Variants in UPK1B observed in about 807,000 individuals in gnomAD.
UPK1B encodes the protein uroplakin 1B.
UPK1B carries 28 observed loss-of-function variants against 34.2 expected under a neutral mutation model. The observed-to-expected ratio is 0.82, with a 90% CI of 0.61 to 1.12. The LOEUF is 1.12. Ranked by LOEUF, UPK1B falls within the 50% of genes most tolerant of loss-of-function variation. The pLI is 0.00. For synonymous variants in UPK1B, 81 were observed against 110.4 expected, an observed-to-expected ratio of 0.73 and a Z score of 1.67; for missense variants, 325 against 320.9, an observed-to-expected ratio of 1.01 and a Z score of -0.10.
intron 1 of UPK1B, among the ~76,000 whole-genome samples, chr3:119,180,604 A>T (rs912119242): frequency 1.3e-5 from 2 of 152,036 alleles, no homozygotes; most frequent in Non-Finnish European, 2.9e-5. Context: ...AGAAGTCACC[A>T]TTTGTCCTTC....
chr3:119,177,010 C>T (rs1295528242), intron 1 of UPK1B, among the ~76,000 whole-genome samples: 1 of 152,158 alleles, frequency 6.6e-6, no homozygotes, highest in Non-Finnish European at 1.5e-5. Flanking sequence ...ATGGTGTCTT[C>T]CCTCGCCCTT....
At chr3:119,202,075 G>A (rs1431494560) in intron 7 of UPK1B, among the ~76,000 whole-genome samples, 1 of 152,124 alleles carries the variant, frequency 6.6e-6, no homozygotes, top group Non-Finnish European at 1.5e-5. Context: ...GAAGGGAAGG[G>A]AAGGGAATTA....
Position 119,195,292 on chromosome 3 carries a change from C to T in UPK1B, c.648+894C>T, listed in dbSNP as rs80164336. Reference sequence around the variant, plus strand: ...CATCTGCTGACCCTGTACACTGAAACGCTGTGCTCTGCTCAGGGAGTTACC... The same window carrying T: ...CATCTGCTGACCCTGTACACTGAAATGCTGTGCTCTGCTCAGGGAGTTACC... On this transcript the variant is annotated intron_variant, in intron 6 of 7. Transcript: ENST00000264234. Among the ~76,000 whole-genome samples, 1,075 of 152,294 alleles carry T rather than the reference C, an allele frequency of 7.1e-3. 9 individuals are homozygous for T. The highest frequency in any genetic ancestry group is 0.025 in the African/African-American group (1,040 of 41,554).
chr3:119,198,987 G>A (rs940558464), intron 6 of UPK1B, 70 bp from the exon 7 acceptor site: 2 of 1,557,098 alleles, frequency 1.3e-6, no homozygotes, highest in Admixed American at 1.7e-5. Flanking sequence ...ATAGGAACCT[G>A]CTTTCCCATC....
chr3:119,194,543 T>C, intron 6 of UPK1B, 145 bp downstream of exon 6: 2 of 806,584 alleles, frequency 2.5e-6, no homozygotes, highest in Non-Finnish European at 1.8e-6. Context: ...TCCTTCTCTG[T>C]TAATAAACTG....
At chr3:119,177,912 A>T (rs1257677261) in intron 1 of UPK1B, among the ~76,000 whole-genome samples, 2 of 152,284 alleles carry the variant, frequency 1.3e-5, no homozygotes, top group East Asian at 3.9e-4. Flanking sequence ...AGGCAGAGAG[A>T]GGGATATAGG....
At chr3:119,197,367 T>C (rs949183733) in intron 6 of UPK1B, among the ~76,000 whole-genome samples, 1 of 152,042 alleles carries the variant, frequency 6.6e-6, no homozygotes, top group African/African-American at 2.4e-5. Flanking sequence ...GTGAAAAAAA[T>C]GGGGCTTCTG....
intron 7 of UPK1B, among the ~76,000 whole-genome samples, chr3:119,203,013 C>T (rs1318914230): frequency 2.0e-5 from 3 of 151,924 alleles, no homozygotes; most frequent in African/African-American, 4.8e-5. Context: ...CACATCTGGC[C>T]CAGTGATGTT....
In UPK1B at chr3:119,186,748, A is replaced by G; in HGVS notation, c.7A>G (p.Lys3Glu). 6.2e-7 allele frequency: 1 copy of G among 1,614,172 alleles called. No individual in the cohort carries two copies. Among genetic ancestry groups the G allele is most frequent in the South Asian group, 1.1e-5 (1 of 91,070 alleles). The change falls in exon 2 of 8, where the codon AAA (lysine) becomes GAA (glutamate). Residue 3 changes from lysine (K) to glutamate (E), a missense_variant. Transcript: ENST00000264234. The stretch of plus-strand genomic sequence containing the variant: ...CTTGTGGGAAATCCCGAAGATGGCC[A>G]AAGACAACTCAACTGTTCGTTGCTT... MAKDNSTVRCFQG... is the reference protein window; with the variant it reads MAEDNSTVRCFQG...
In UPK1B at chr3:119,177,803, C is replaced by T. The variant is rs1051102255; in HGVS notation, c.-29+4165C>T. On this transcript the variant is annotated intron_variant, in intron 1 of 7. Transcript: ENST00000264234. ...CTTGGGTGAAGAAAAGACGTAACAA[C>T]GTACCAGACTATATTGCTGTGGCAG... is the stretch of plus-strand genomic sequence containing the variant. 2.3e-4 allele frequency among the ~76,000 whole-genome samples: 35 copies of T among 152,132 alleles called. 1 individual carries two copies. The highest frequency in any genetic ancestry group is 4.4e-5 in the Non-Finnish European group (3 of 68,026).
chr3:119,175,007 A>C (rs1030162379), intron 1 of UPK1B, among the ~76,000 whole-genome samples: 4 of 39,732 alleles, frequency 1.0e-4, no homozygotes, highest in African/African-American at 7.9e-5. Context: ...TTTTTCTTTT[A>C]TTTTCTTTTT....
At chr3:119,175,255 C>T (rs1437886673) in intron 1 of UPK1B, among the ~76,000 whole-genome samples, 1 of 151,872 alleles carries the variant, frequency 6.6e-6, no homozygotes, top group Admixed American at 6.6e-5. Flanking sequence ...TCTCAATCTC[C>T]TGACCTCGTG....
At chr3:119,191,265 C>T (rs2078043070) in intron 5 of UPK1B, among the ~76,000 whole-genome samples, 161 bp downstream of exon 5, 1 of 152,212 alleles carries the variant, frequency 6.6e-6, no homozygotes, top group African/African-American at 2.4e-5. Context: ...ATCATACACT[C>T]TCCCTCTTAG....
At chr3:119,194,471 T>C (rs1373464246) in intron 6 of UPK1B, 73 bp downstream of exon 6, 2 of 1,355,694 alleles carry the variant, frequency 1.5e-6, no homozygotes, top group Non-Finnish European at 2.0e-6. Context: ...TGGTCAACTG[T>C]AGGAAATAGT....
chr3:119,195,185 T>C lies in UPK1B; in HGVS notation c.648+787T>C, dbSNP rs74384678. 7.0e-3 allele frequency among the ~76,000 whole-genome samples: 1,067 copies of C among 152,210 alleles called. 9 individuals carry two copies. Among genetic ancestry groups the C allele is most frequent in the African/African-American group, 0.025 (1,036 of 41,496 alleles). On this transcript the variant is annotated intron_variant, in intron 6 of 7. Coordinates refer to ENST00000264234, the MANE Select transcript of UPK1B (RefSeq NM_006952.4). Reference sequence around the variant, plus strand: ...CTTTTGAAACATGAGTTTTCTGCCTTCAAGCACAGACTCTAAGCCAGTGAA... The same window carrying C: ...CTTTTGAAACATGAGTTTTCTGCCTCCAAGCACAGACTCTAAGCCAGTGAA...
rs867045888 is a variant in UPK1B, at chr3:119,175,054, G to T, written c.-29+1416G>T. 2.9e-5 allele frequency among the ~76,000 whole-genome samples: 3 copies of T among 103,708 alleles called. No homozygotes were observed. In the East Asian group the frequency reaches 9.3e-4, roughly 32 times the overall value. The allele number at this position is 103,708 out of a possible 152,430, so 68.0% of individuals were successfully genotyped here. The stretch of plus-strand genomic sequence containing the variant: ...TTTTTTTTTTTTTTTTTTTGAGACG[G>T]AGTCACTCTGAGGCCCAGGCTGGAG... On this transcript the variant is annotated intron_variant, in intron 1 of 7. Transcript: ENST00000264234.
At chr3:119,179,958 C>A (rs1406715878) in intron 1 of UPK1B, among the ~76,000 whole-genome samples, 1 of 151,804 alleles carries the variant, frequency 6.6e-6, no homozygotes, top group East Asian at 1.9e-4. Context: ...GCCACCACCC[C>A]CAGCTAATTT....
At chr3:119,180,900 T>C (rs540241079) in intron 1 of UPK1B, among the ~76,000 whole-genome samples, 1 of 152,324 alleles carries the variant, frequency 6.6e-6, no homozygotes, top group African/African-American at 2.4e-5. Flanking sequence ...GCTAATGTAT[T>C]ATAAAAGTAA....
In UPK1B at chr3:119,203,834, G is replaced by A. The variant is rs570176056; in HGVS notation, c.733-83G>A. On this transcript the variant is annotated intron_variant, in intron 7 of 7. Coordinates refer to ENST00000264234, the MANE Select transcript of UPK1B (RefSeq NM_006952.4). ...AATCTGTTGTCACCTAAGCCTGAAT[G>A]AACCTAACATCCACTTTTTCCAAGA... The A allele has an allele frequency of 1.9e-4, 275 of 1,420,720 alleles. 3 individuals carry two copies. The South Asian group carries it at 2.9e-3, about 15-fold the overall frequency. 88.0% of individuals were successfully genotyped at this position (1,420,720 alleles called of 1,614,324 possible). A position where few individuals can be genotyped will look rare whatever the true frequency, so the allele number is the denominator to read the frequency against.
Sources: gnomAD v4.1 joint callset for allele counts (sites outside exome capture counted in the v4.1 genomes callset) on GRCh38, gnomAD v4.1.1 for gene constraint, MANE v1.5 for transcripts, NCBI Gene and HGNC (gene_info 2026-07-23, HGNC 2026-07-21) for gene names.